Variants in ATR observed in about 807,000 individuals in gnomAD.
ATR encodes the protein ATR checkpoint kinase.
Under a neutral mutation model 305.3 loss-of-function variants are expected in ATR, and 142 were observed. The ratio of observed to expected loss-of-function variants is 0.47; its 90% CI spans 0.41 to 0.53. The LOEUF is 0.53. Ranked by LOEUF, ATR falls within the 20% of genes least tolerant of loss-of-function variation. ATR has a pLI of 0.00. For synonymous variants in ATR, 1,050 were observed against 1,068.1 expected, an observed-to-expected ratio of 0.98 and a Z score of 0.33; for missense variants, 2,135 against 3,133.1, an observed-to-expected ratio of 0.68 and a Z score of 7.60.
chr3:142,557,316 T>C (rs1233733544), intron 8 of ATR, among the ~76,000 whole-genome samples: 4 of 152,184 alleles, frequency 2.6e-5, no homozygotes, highest in Admixed American at 1.3e-4. Flanking sequence ...TATAAAAATA[T>C]TCATTTAAAT....
At chr3:142,576,848 C>A (rs76999127) in intron 1 of ATR, among the ~76,000 whole-genome samples, 4,701 of 152,042 alleles carry the variant, frequency 0.031, 229 homozygotes, top group African/African-American at 0.11. Context: ...AACAATAGGA[C>A]AAAATTTATC....
At chr3:142,501,307 A>C (rs2031950851) in intron 30 of ATR, among the ~76,000 whole-genome samples, 1 of 152,128 alleles carries the variant, frequency 6.6e-6, no homozygotes, top group East Asian at 1.9e-4. Context: ...AATCCCTGTA[A>C]TCTATTTATT....
intron 5 of ATR, among the ~76,000 whole-genome samples, 154 bp downstream of exon 5, chr3:142,561,089 A>T (rs2034862483): frequency 6.6e-6 from 1 of 152,264 alleles, no homozygotes; most frequent in Non-Finnish European, 1.5e-5. Flanking sequence ...AACCGTCTAC[A>T]ATAATTATAA....
At position 142,493,015 on chromosome 3, in the gene ATR, C is replaced by T. The variant is rs1252367855; in HGVS notation, c.6078+117G>A. The T allele has an allele frequency of 1.8e-5, 18 of 993,136 alleles. No homozygotes were observed. In the African/African-American group the frequency reaches 2.5e-4, roughly 14 times the overall value. 61.5% of individuals were successfully genotyped at this position (993,136 alleles called of 1,614,324 possible). On this transcript the variant is annotated intron_variant, in intron 35 of 46. Coordinates refer to ENST00000350721, the MANE Select transcript of ATR (RefSeq NM_001184.4). The stretch of plus-strand genomic sequence containing the variant: ...GTGATAATCCATATACTTATATACT[C>T]ACTGAAAAGTCAAAAAAATTTCCTG...
At chr3:142,514,677 C>T (rs1218555032) in intron 25 of ATR, among the ~76,000 whole-genome samples, 1 of 149,576 alleles carries the variant, frequency 6.7e-6, no homozygotes, top group African/African-American at 2.5e-5. Flanking sequence ...TGTGATGACT[C>T]ATGCCTGTAA....
At position 142,498,770 on chromosome 3, in the gene ATR, T is replaced by A. The variant is rs1247161295; in HGVS notation, c.5385A>T (p.Gly1795=). ...DLVENYLAAD[G]KSTTWSVRLG... is the part of the protein sequence containing the mutation. ...GTCTGACACTCCATGTTGTAGATTTTCCATCTGAAAAACAAATGAAGAGTC... is the reference window on the plus strand; with the variant it reads ...GTCTGACACTCCATGTTGTAGATTTACCATCTGAAAAACAAATGAAGAGTC... The change falls in exon 32 of 47, where the codon GGA becomes GGT. Residue 1795 remains glycine, a synonymous_variant. Transcript: ENST00000350721. 1.2e-6 allele frequency: 2 copies of A among 1,613,942 alleles called. No homozygotes were observed. Among genetic ancestry groups the A allele is most frequent in the African/African-American group, 2.7e-5 (2 of 74,926 alleles).
intron 40 of ATR, 50 bp downstream of exon 40, chr3:142,466,274 T>A: frequency 6.5e-7 from 1 of 1,548,732 alleles, no homozygotes; most frequent in Non-Finnish European, 8.9e-7. Context: ...TAATTTGAAG[T>A]TTTTAACAAC....
At chr3:142,467,042 A>G (rs1204975959) in intron 39 of ATR, among the ~76,000 whole-genome samples, 1 of 152,216 alleles carries the variant, frequency 6.6e-6, no homozygotes, top group East Asian at 1.9e-4. Context: ...CAAGTGCATC[A>G]GAGGTCAAAT....
chr3:142,539,523 T>TA (rs1004369438), intron 18 of ATR, among the ~76,000 whole-genome samples: 9 of 152,268 alleles, frequency 5.9e-5, no homozygotes, highest in Admixed American at 3.9e-4. Flanking sequence ...AAAATGATAT[T>TA]AAAAAAACTT....
chr3:142,456,834 A>G (rs1002750111), intron 45 of ATR, among the ~76,000 whole-genome samples: 3 of 152,222 alleles, frequency 2.0e-5, no homozygotes, highest in Non-Finnish European at 2.9e-5. Context: ...AGAAGTTGAA[A>G]CCCACATACA....
At chr3:142,571,995 A>C (rs2035280196) in intron 1 of ATR, among the ~76,000 whole-genome samples, 1 of 149,872 alleles carries the variant, frequency 6.7e-6, no homozygotes, top group Non-Finnish European at 1.5e-5. Context: ...CGAACTCCTG[A>C]CCTCAGGTAA....
intron 40 of ATR, 126 bp downstream of exon 40, chr3:142,466,198 G>A: frequency 8.9e-7 from 1 of 1,124,504 alleles, no homozygotes; most frequent in Non-Finnish European, 1.3e-6. Context: ...TTACTCTTCT[G>A]TATTTCCAAT....
In ATR at chr3:142,466,341, C is replaced by T. The variant is rs370379866; in HGVS notation, c.6880G>A (p.Ala2294Thr). 13 of 1,613,594 alleles carry T rather than the reference C, an allele frequency of 8.1e-6. No individual in the cohort carries two copies. The highest frequency in any genetic ancestry group is 8.5e-7 in the Non-Finnish European group (1 of 1,179,740). Residue 2294 changes from alanine (A) to threonine (T), a missense_variant, in exon 40 of 47, where the codon GCA becomes ACA. Physicochemically the swap from Ala to Thr is moderately conservative, Grantham distance 58 (BLOSUM62 0). Around this residue, in one of 9 missense-constraint regions of ATR, gnomAD observed 462 missense variants for 887.6 expected, o/e 0.52. Coordinates refer to ENST00000350721, the MANE Select transcript of ATR (RefSeq NM_001184.4). ...AAGTTTACCATATCATCAAACCCTGCAATATAGGCCCAATGTCCAGGAAAT... is the reference window on the plus strand; with the variant it reads ...AAGTTTACCATATCATCAAACCCTGTAATATAGGCCCAATGTCCAGGAAAT... ...EPFPGHWAYIAGFDDMVEILA... is the reference protein window; with the variant it reads ...EPFPGHWAYITGFDDMVEILA...
intron 19 of ATR, among the ~76,000 whole-genome samples, chr3:142,537,598 T>C (rs2033903826): frequency 6.6e-6 from 1 of 152,202 alleles, no homozygotes; most frequent in Non-Finnish European, 1.5e-5. Context: ...TTCCTTCTTC[T>C]ATGATTTCTC....
intron 36 of ATR, among the ~76,000 whole-genome samples, chr3:142,475,344 C>T (rs538753848): frequency 3.3e-5 from 5 of 151,932 alleles, no homozygotes; most frequent in Non-Finnish European, 5.9e-5. Context: ...TGAGAACATG[C>T]GGTGTTTGGT....
At chr3:142,574,896 T>C (rs1034383353) in intron 1 of ATR, among the ~76,000 whole-genome samples, 1 of 152,208 alleles carries the variant, frequency 6.6e-6, no homozygotes, top group African/African-American at 2.4e-5. Flanking sequence ...AGGCTCTATG[T>C]GGCTAAAGCC....
At chr3:142,575,305 T>G (rs1440839557) in intron 1 of ATR, among the ~76,000 whole-genome samples, 1 of 151,912 alleles carries the variant, frequency 6.6e-6, no homozygotes, top group Non-Finnish European at 1.5e-5. Flanking sequence ...TGCAACATGG[T>G]AAAACCCCAT....
intron 3 of ATR, among the ~76,000 whole-genome samples, chr3:142,563,986 C>T (rs536226520): frequency 6.6e-6 from 1 of 152,212 alleles, no homozygotes; most frequent in South Asian, 2.1e-4. Flanking sequence ...AAGATCAAAC[C>T]AGCCACAACA....
In ATR at chr3:142,547,916, C is replaced by A. The variant is rs368033457; in HGVS notation, c.3172-6G>T. On this transcript the variant is annotated splice_polypyrimidine_tract_variant and splice_region_variant and intron_variant, in intron 15 of 46. Transcript: ENST00000350721. ...AGTTCAATTTCTGTTTCATTCTAAC[C>A]CAAAGACATGTTAAAAAAAATTTTT... 3.1e-6 allele frequency: 5 copies of A among 1,613,404 alleles called. No individual in the cohort carries two copies. The highest frequency in any genetic ancestry group is 2.7e-5 in the African/African-American group (2 of 74,814).
Sources: gnomAD v4.1 joint callset for allele counts (sites outside exome capture counted in the v4.1 genomes callset) on GRCh38, gnomAD v4.1.1 for gene constraint, gnomAD v4.1.1 regional missense constraint, MANE v1.5 for transcripts, NCBI Gene and HGNC (gene_info 2026-07-23, HGNC 2026-07-21) for gene names.